WDR35: variants seen among roughly 807,000 people sequenced by gnomAD.
WDR35 encodes WD repeat-containing protein 35.
WDR35 carries 118 observed loss-of-function variants against 158.3 expected under a neutral mutation model. That is an observed-to-expected ratio of 0.75 (90% CI 0.64 to 0.87). The LOEUF (loss-of-function observed/expected upper bound fraction) is 0.87, where lower values mean the gene tolerates loss of function less well. WDR35 is among the 40% of genes least tolerant of loss of function. WDR35 has a pLI of 0.00. For synonymous variants in WDR35, 448 were observed against 476.1 expected (o/e 0.94, Z 0.77); for missense variants, 1,263 against 1,405.8 (o/e 0.90, Z 1.62).
chr2:19,952,725 A>G (rs996029481), intron 12 of WDR35, among the ~76,000 whole-genome samples: 7 of 151,408 alleles, frequency 4.6e-5, no homozygotes, highest in Non-Finnish European at 1.0e-4. Flanking sequence ...AACAAAAGAT[A>G]TAACATTTTT....
intron 2 of WDR35, among the ~76,000 whole-genome samples, chr2:19,986,507 T>A (rs908512333): frequency 1.9e-4 from 29 of 152,190 alleles, no homozygotes; most frequent in African/African-American, 6.5e-4. Context: ...AATATAACAA[T>A]AACTTAAACA....
intron 11 of WDR35, among the ~76,000 whole-genome samples, chr2:19,959,402 G>A (rs886277603): frequency 1.3e-5 from 2 of 151,910 alleles, no homozygotes; most frequent in South Asian, 4.1e-4. Flanking sequence ...ATAAACAAGA[G>A]ATATTTATGT....
chr2:19,989,852 C>G (rs1672693757), intron 1 of WDR35, 140 bp downstream of exon 1: 1 of 1,411,598 alleles, frequency 7.1e-7, no homozygotes, highest in African/African-American at 1.4e-5. Flanking sequence ...GGAGGCTGGA[C>G]CCGGCGGGAA....
At chr2:19,930,084 A>G (rs1443907495) in intron 25 of WDR35, among the ~76,000 whole-genome samples, 1 of 150,060 alleles carries the variant, frequency 6.7e-6, no homozygotes, top group Non-Finnish European at 1.5e-5. Context: ...TTTAATAGAT[A>G]TATGTATATA....
intron 16 of WDR35, 100 bp downstream of exon 16, chr2:19,945,686 G>T: frequency 7.8e-7 from 1 of 1,286,524 alleles, no homozygotes; most frequent in Non-Finnish European, 1.1e-6. Context: ...TGTTGGCACT[G>T]CTATTCAACA....
intron 24 of WDR35, 83 bp from the exon 25 acceptor site, chr2:19,930,635 T>C (rs1429613449): frequency 5.1e-6 from 8 of 1,583,446 alleles, no homozygotes; most frequent in Non-Finnish European, 6.9e-6. Context: ...GTCATTAAAG[T>C]ATCTAAATGA....
At chr2:19,946,883 A>T (rs1671078213) in intron 14 of WDR35, among the ~76,000 whole-genome samples, 1 of 152,210 alleles carries the variant, frequency 6.6e-6, no homozygotes, top group Non-Finnish European at 1.5e-5. Context: ...TATATTTGTT[A>T]TCTAGGTTAA....
intron 25 of WDR35, among the ~76,000 whole-genome samples, chr2:19,926,727 TG>T (rs1163569692): frequency 6.6e-6 from 1 of 152,212 alleles, no homozygotes; most frequent in African/African-American, 2.4e-5. Flanking sequence ...ACAACTAGTT[TG>T]GTGGAGAGAT....
At chr2:19,931,449 C>T in intron 23 of WDR35, 40 bp from the exon 24 acceptor site, 1 of 1,607,022 alleles carries the variant, frequency 6.2e-7, no homozygotes, top group Middle Eastern at 1.7e-4. Context: ...TACTTCTTAT[C>T]TATATTTGTA....
chr2:19,953,794 T>C (rs1205071788), intron 12 of WDR35, 40 bp downstream of exon 12: 1 of 1,613,016 alleles, frequency 6.2e-7, no homozygotes, highest in African/African-American at 1.3e-5. Context: ...TTCAATGTGA[T>C]ATGGTTGAGC....
At chr2:19,982,971 G>T (rs1164986474) in intron 2 of WDR35, among the ~76,000 whole-genome samples, 1 of 152,090 alleles carries the variant, frequency 6.6e-6, no homozygotes, top group Non-Finnish European at 1.5e-5. Flanking sequence ...TGTACACTGT[G>T]CTATGCATTA....
intron 25 of WDR35, among the ~76,000 whole-genome samples, chr2:19,927,910 G>C (rs191528727): frequency 5.3e-5 from 8 of 152,332 alleles, no homozygotes; most frequent in Non-Finnish European, 8.8e-5. Context: ...ATAGTCTGCA[G>C]ATGTGGATCC....
chr2:19,920,331 A>G (rs1262223096), intron 25 of WDR35, among the ~76,000 whole-genome samples: 1 of 152,260 alleles, frequency 6.6e-6, no homozygotes, highest in African/African-American at 2.4e-5. Context: ...AAAATCCTCA[A>G]TAAAATACTG....
intron 14 of WDR35, among the ~76,000 whole-genome samples, chr2:19,946,947 A>G (rs192927685): frequency 1.3e-5 from 2 of 152,320 alleles, no homozygotes; most frequent in Non-Finnish European, 2.9e-5. Context: ...TAAATTACAT[A>G]TGTATATGAA....
rs1403759483 is a variant in WDR35, at chr2:19,913,570, A to T, written c.3501T>A (p.Ser1167Arg). 1 of 1,614,098 alleles carries T rather than the reference A, an allele frequency of 6.2e-7. No homozygotes were observed. The highest frequency in any genetic ancestry group is 8.5e-7 in the Non-Finnish European group (1 of 1,179,954). ...SHYSFCPLCH[S>R]PVG ...GTTTATCATTCCTTTATCCCACTGG[A>T]CTATGGCATAAGGGGCAGAAGCTGT... Residue 1167 changes from serine to arginine, a missense_variant, in exon 27 of 27, where the codon AGT becomes AGA. Transcript: ENST00000281405.
chr2:19,979,029 A>G, intron 4 of WDR35, 150 bp from the exon 5 acceptor site: 1 of 954,454 alleles, frequency 1.0e-6, no homozygotes, highest in Non-Finnish European at 1.5e-6. Flanking sequence ...AAAACTTCCA[A>G]ATCCAACAAA....
intron 25 of WDR35, among the ~76,000 whole-genome samples, chr2:19,924,041 C>T (rs1670272718): frequency 6.6e-6 from 1 of 152,114 alleles, no homozygotes; most frequent in Admixed American, 6.5e-5. Context: ...CAGGCCCAGC[C>T]TCAAATTAAT....
At chr2:19,919,406 AAAAGAAAAAG>A (rs1670096855) in intron 25 of WDR35, among the ~76,000 whole-genome samples, 4 of 150,990 alleles carry the variant, frequency 2.6e-5, no homozygotes, top group Non-Finnish European at 5.9e-5. Context: ...AAAGAAAAGA[AAAAGAAAAAG>A]AAAAAAAAAG....
intron 16 of WDR35, among the ~76,000 whole-genome samples, chr2:19,944,140 G>A (rs966836789): frequency 3.3e-5 from 5 of 151,936 alleles, no homozygotes; most frequent in Admixed American, 2.6e-4. Flanking sequence ...AACCAGCTGC[G>A]ACCACAGTAA....
Sources: allele counts gnomAD v4.1 joint callset (sites outside exome capture counted in the v4.1 genomes callset), GRCh38; gene constraint gnomAD v4.1.1; transcripts MANE v1.5; gene names NCBI Gene and HGNC (gene_info 2026-07-23, HGNC 2026-07-21).